Variants in RIMS1 observed in about 807,000 individuals in gnomAD.
RIMS1 encodes the protein regulating synaptic membrane exocytosis 1, also known as regulating synaptic membrane exocytosis protein 1.
In RIMS1, 83 loss-of-function variants were observed where a neutral mutation model predicts 214.1. That is an observed-to-expected ratio of 0.39 (90% CI 0.32 to 0.47). RIMS1 has a LOEUF of 0.47. RIMS1 is among the 20% of genes least tolerant of loss of function. RIMS1 has a pLI of 0.99. For synonymous variants in RIMS1, 793 were observed against 786.8 expected, an observed-to-expected ratio of 1.01 and a Z score of -0.13; for missense variants, 2,050 against 2,161.8, an observed-to-expected ratio of 0.95 and a Z score of 1.03.
intron 19 of RIMS1, chr6:72,262,366 T>A (rs2078420270): frequency 1.0e-6 from 1 of 977,894 alleles, no homozygotes; most frequent in African/African-American, 1.8e-5. Context: ...CAAATAATCA[T>A]ATTTGTATGT....
intron 6 of RIMS1, among the ~76,000 whole-genome samples, chr6:72,190,623 C>T (rs1021168812): frequency 2.6e-5 from 4 of 152,060 alleles, no homozygotes; most frequent in Non-Finnish European, 5.9e-5. Context: ...TTGTAGGAAA[C>T]TCCTGATGAG....
intron 6 of RIMS1, among the ~76,000 whole-genome samples, chr6:72,228,943 G>C (rs1237932234): frequency 6.6e-6 from 1 of 151,712 alleles, no homozygotes; most frequent in African/African-American, 2.4e-5. Context: ...AAACATAGCT[G>C]CCATCCAAAC....
chr6:72,222,647 T>C (rs2697433), intron 6 of RIMS1, among the ~76,000 whole-genome samples: 104,081 of 151,958 alleles, frequency 0.68, 36,457 homozygotes, highest in East Asian at 0.98. Flanking sequence ...AACCAGCTTA[T>C]TGTTATGATT....
At chr6:72,360,887 A>G (rs2097790028) in intron 29 of RIMS1, among the ~76,000 whole-genome samples, 1 of 149,612 alleles carries the variant, frequency 6.7e-6, no homozygotes. Context: ...TAATGGGTAT[A>G]GTGGATATGT....
intron 11 of RIMS1, among the ~76,000 whole-genome samples, chr6:72,246,951 C>T (rs1221438832): frequency 6.6e-6 from 1 of 151,898 alleles, no homozygotes; most frequent in Non-Finnish European, 1.5e-5. Flanking sequence ...TCGGAGGGCA[C>T]AAAAGGATGA....
In RIMS1 at chr6:72,183,112, G is replaced by T; in HGVS notation, c.1641G>T (p.Glu547Asp). 1 of 1,592,146 alleles carries T rather than the reference G, an allele frequency of 6.3e-7. No homozygotes were observed. Among genetic ancestry groups the T allele is most frequent in the Non-Finnish European group, 8.5e-7 (1 of 1,170,394 alleles). The part of the protein sequence containing the change: ...GVSTPEYTSC[E>D]DVELESESVS... The stretch of plus-strand genomic sequence containing the variant: ...CGACGCCCGAGTACACCAGCTGCGA[G>T]GACGTGGAGCTGGAGAGCGAGAGCG... Residue 547 changes from glutamate to aspartate, a missense_variant, in exon 6 of 34, where the codon GAG becomes GAT. Transcript: ENST00000521978.
At chr6:72,198,267 C>A (rs1478921618) in intron 6 of RIMS1, among the ~76,000 whole-genome samples, 5 of 151,930 alleles carry the variant, frequency 3.3e-5, no homozygotes, top group Admixed American at 2.0e-4. Context: ...TACGATTCGC[C>A]CATATGAAAG....
intron 29 of RIMS1, among the ~76,000 whole-genome samples, chr6:72,357,127 TCA>T (rs2097672930): frequency 6.6e-6 from 1 of 152,186 alleles, no homozygotes; most frequent in Admixed American, 6.5e-5. Context: ...TGTATTGAGT[TCA>T]GTTTAGCCTG....
At chr6:72,171,980 G>C (rs1183738431) in intron 4 of RIMS1, among the ~76,000 whole-genome samples, 3 of 151,848 alleles carry the variant, frequency 2.0e-5, no homozygotes, top group African/African-American at 7.3e-5. Context: ...GAGAATAATA[G>C]AATAGATGAT....
At chr6:72,200,246 T>C (rs1371410018) in intron 6 of RIMS1, among the ~76,000 whole-genome samples, 2 of 152,144 alleles carry the variant, frequency 1.3e-5, no homozygotes, top group Non-Finnish European at 2.9e-5. Context: ...CTTCATATAT[T>C]AATTTTTCAT....
At chr6:72,102,690 G>T (rs1481789527) in intron 4 of RIMS1, among the ~76,000 whole-genome samples, 3 of 151,996 alleles carry the variant, frequency 2.0e-5, no homozygotes, top group Non-Finnish European at 2.9e-5. Context: ...GTATTATAAG[G>T]TGTTGTCTGT....
chr6:72,114,889 A>G (rs1399522010), intron 4 of RIMS1, among the ~76,000 whole-genome samples: 1 of 151,906 alleles, frequency 6.6e-6, no homozygotes, highest in Admixed American at 6.6e-5. Context: ...ATTTTATGGT[A>G]TGAGAGGGAT....
At chr6:72,271,284 AAAATATAT>A (rs1289420730) in intron 22 of RIMS1, among the ~76,000 whole-genome samples, 918 of 23,700 alleles carry the variant, frequency 0.039, 4 homozygotes, top group African/African-American at 0.083. Context: ...AAAAAAAAAA[AAAATATAT>A]ATATATATAT....
intron 29 of RIMS1, among the ~76,000 whole-genome samples, chr6:72,371,790 C>G (rs2098230072): frequency 1.3e-5 from 2 of 152,184 alleles, no homozygotes; most frequent in Admixed American, 6.6e-5. Flanking sequence ...AGGGGCAAAG[C>G]TTTTGGTAAC....
At chr6:72,266,111 T>G in intron 22 of RIMS1, 62 bp downstream of exon 22, 1 of 1,215,400 alleles carries the variant, frequency 8.2e-7, no homozygotes, top group South Asian at 1.3e-5. Flanking sequence ...TTCAGTCACT[T>G]TGTTTTGTTT....
intron 6 of RIMS1, among the ~76,000 whole-genome samples, chr6:72,227,354 G>A (rs1032861884): frequency 3.3e-5 from 5 of 151,826 alleles, no homozygotes; most frequent in Non-Finnish European, 7.4e-5. Context: ...GATTTCTGTG[G>A]TGCTCTATAG....
intron 2 of RIMS1, among the ~76,000 whole-genome samples, chr6:72,006,859 A>C (rs966937138): frequency 6.6e-6 from 1 of 152,186 alleles, no homozygotes; most frequent in Non-Finnish European, 1.5e-5. Flanking sequence ...ACCACAGATG[A>C]AGGAGGTCTG....
intron 30 of RIMS1, 86 bp from the exon 31 acceptor site, chr6:72,392,612 C>T (rs1445672378): frequency 2.2e-6 from 2 of 904,160 alleles, no homozygotes; most frequent in African/African-American, 1.6e-5. Context: ...GTTTCATGAT[C>T]ATAATTAGTC....
At chr6:71,887,834 A>T (rs13218069) in intron 1 of RIMS1, among the ~76,000 whole-genome samples, 17,204 of 152,118 alleles carry the variant, frequency 0.11, 1,281 homozygotes, top group Non-Finnish European at 0.16. Flanking sequence ...GTGAAGACAG[A>T]TTCTCTTCTC....
Sources: allele counts gnomAD v4.1 joint callset (sites outside exome capture counted in the v4.1 genomes callset), GRCh38; gene constraint gnomAD v4.1.1; transcripts MANE v1.5; gene names NCBI Gene and HGNC (gene_info 2026-07-23, HGNC 2026-07-21).